The following UGT2B17 variants were observed in gnomAD, a reference collection of about 807,000 sequenced individuals.
The protein encoded by UGT2B17 is UDP glucuronosyltransferase family 2 member B17.
A neutral mutation model predicts 48.2 loss-of-function variants in UGT2B17; 21 were observed. The ratio of observed to expected loss-of-function variants is 0.44; its 90% CI spans 0.31 to 0.63. The LOEUF is 0.63. Ranked by LOEUF, UGT2B17 falls within the 20% of genes least tolerant of loss-of-function variation. UGT2B17 has a pLI of 0.08. For synonymous variants in UGT2B17, 146 were observed against 238.4 expected (o/e 0.61, Z 3.57); for missense variants, 402 against 696.1 (o/e 0.58, Z 4.75).
rs1164486642 is a variant in UGT2B17 at position 68,544,087 on chromosome 4, T to C, written c.1314-6183A>G. On this transcript the variant is annotated intron_variant, in intron 6 of 6. Transcript: ENST00000317746. The stretch of plus-strand genomic sequence containing the variant: ...AATTCAAGACATACAGAGAATGCCA[T>C]AAAGATACTCCTCAAGAAGAGCAAC... 1.6e-5 allele frequency among the ~76,000 whole-genome samples: 2 copies of C among 125,122 alleles called. 1 individual carries two copies. The highest frequency in any genetic ancestry group is 5.5e-5 in the African/African-American group (2 of 36,606). 82.1% of individuals were successfully genotyped at this position (125,122 alleles called of 152,430 possible). A position where few individuals can be genotyped will look rare whatever the true frequency, so the allele number is the denominator to read the frequency against.
chr4:68,565,444 C>A (rs1731180028), intron 3 of UGT2B17, 128 bp downstream of exon 3: 1 of 871,638 alleles, frequency 1.1e-6, no homozygotes, highest in African/African-American at 1.8e-5. Context: ...ATATGATTTT[C>A]TAATGGCAAG....
intron 6 of UGT2B17, among the ~76,000 whole-genome samples, chr4:68,546,260 G>C (rs1375493522): frequency 7.9e-6 from 1 of 126,126 alleles, no homozygotes; most frequent in African/African-American, 2.7e-5. Context: ...GGGATGCAAG[G>C]CTAGTTCAAC....
At position 68,540,446 on chromosome 4, in the gene UGT2B17, C is replaced by T. The variant is rs541824577; in HGVS notation, c.1314-2542G>A. Among the ~76,000 whole-genome samples, 29 of 125,920 alleles carry T rather than the reference C, an allele frequency of 2.3e-4. 6 individuals are homozygous for T. Among genetic ancestry groups the T allele is most frequent in the Admixed American group, 2.0e-3 (25 of 12,326 alleles). 82.6% of individuals were successfully genotyped at this position (125,920 alleles called of 152,430 possible). ...TCAAGTGATTCTCCTGCCTCAAACT[C>T]CTGAGGAGCTGGGACTACAGGTGCA... On this transcript the variant is annotated intron_variant, in intron 6 of 6. Transcript: ENST00000317746.
chr4:68,567,712 G>T, intron 2 of UGT2B17, 49 bp downstream of exon 2: 6 of 1,206,424 alleles, frequency 5.0e-6, no homozygotes, highest in Non-Finnish European at 5.3e-6. Context: ...ACCTTCAAAG[G>T]CACAGGAAAA....
intron 4 of UGT2B17, among the ~76,000 whole-genome samples, chr4:68,553,825 A>G (rs1477402746): frequency 8.4e-6 from 1 of 118,472 alleles, no homozygotes; most frequent in Non-Finnish European, 1.8e-5. Flanking sequence ...GTCTGTGTGG[A>G]TTTGTGTGAG....
intron 4 of UGT2B17, among the ~76,000 whole-genome samples, chr4:68,560,081 C>T (rs558299386): frequency 1.3e-4 from 17 of 129,760 alleles, no homozygotes; most frequent in South Asian, 1.1e-3. Context: ...CTTGGTAAGA[C>T]GAAGCTGCAT....
rs1431806643 is a variant in UGT2B17 at position 68,558,801 on chromosome 4, G to A, written c.1005+1736C>T. Among the ~76,000 whole-genome samples the A allele has an allele frequency of 2.4e-5, 3 of 125,090 alleles. 1 individual carries two copies. The highest frequency in any genetic ancestry group is 3.4e-5 in the Non-Finnish European group (2 of 59,158). 82.1% of individuals were successfully genotyped at this position (125,090 alleles called of 152,430 possible). A position where few individuals can be genotyped will look rare whatever the true frequency, so the allele number is the denominator to read the frequency against. On this transcript the variant is annotated intron_variant, in intron 4 of 6. Transcript: ENST00000317746. ...AACCTGGGGGCCCCAAAGTCACTAA[G>A]CAAATCACTGCCTCCCATTCTATTC...
intron 1 of UGT2B17, among the ~76,000 whole-genome samples, chr4:68,568,982 A>C (rs1479786116): frequency 7.2e-6 from 1 of 138,306 alleles, no homozygotes; most frequent in East Asian, 3.5e-4. Context: ...AATAGCCTCT[A>C]ACCCCCCACT....
At chr4:68,546,978 T>A (rs1192065599) in intron 6 of UGT2B17, among the ~76,000 whole-genome samples, 3 of 125,184 alleles carry the variant, frequency 2.4e-5, no homozygotes, top group African/African-American at 8.2e-5. Context: ...GAAGAATCAA[T>A]ATCGTGAAAA....
At chr4:68,548,146 T>C (rs1730853169) in intron 6 of UGT2B17, among the ~76,000 whole-genome samples, 1 of 126,754 alleles carries the variant, frequency 7.9e-6, no homozygotes, top group African/African-American at 2.7e-5. Flanking sequence ...GGAGGCACTA[T>C]TCACAATAGC....
At chr4:68,545,063 A>G (rs1264841015) in intron 6 of UGT2B17, among the ~76,000 whole-genome samples, 2 of 126,078 alleles carry the variant, frequency 1.6e-5, no homozygotes, top group Admixed American at 8.1e-5. Context: ...TCAGCTCTGC[A>G]CGAAGAGGAC....
At chr4:68,561,904 G>C (rs1731110392) in intron 3 of UGT2B17, among the ~76,000 whole-genome samples, 1 of 121,582 alleles carries the variant, frequency 8.2e-6, no homozygotes, top group African/African-American at 2.8e-5. Flanking sequence ...TGTCCCTTTT[G>C]TTCTAAATTC....
At position 68,567,715 on chromosome 4, in the gene UGT2B17, C is replaced by G; in HGVS notation, c.724+46G>C. 7 of 1,224,852 alleles carry G rather than the reference C, an allele frequency of 5.7e-6. 1 individual carries two copies. The highest frequency in any genetic ancestry group is 4.2e-6 in the Non-Finnish European group (4 of 961,072). 75.9% of individuals were successfully genotyped at this position (1,224,852 alleles called of 1,614,324 possible). ...TTATATAAGCCCACCTTCAAAGGCA[C>G]AGGAAAATTAGAACTTAATAAACAC... On this transcript the variant is annotated intron_variant, in intron 2 of 6. Transcript: ENST00000317746.
rs777980350 is a variant in UGT2B17 at position 68,537,897 on chromosome 4, C to G, written c.1321G>C (p.Glu441Gln). The change falls in exon 7 of 7, where the codon GAG (glutamate) becomes CAG (glutamine). Residue 441 changes from glutamate to glutamine, a missense_variant. Glu to Gln is a conservative substitution (Grantham distance 29). This residue lies in a region of UGT2B17 where 156 missense variants were observed against 258.6 expected (regional missense o/e 0.60). Transcript: ENST00000317746. ...KSVINDPIYK[E>Q]NIMKLSRIHH... ...ATTCTTGATAATTTCATGATATTCT[C>G]TTTATAGCTGAAGGATAAATATAAA... 7.4e-7 allele frequency: 1 copy of G among 1,352,368 alleles called. No individual in the cohort carries two copies. The highest frequency in any genetic ancestry group is 9.6e-7 in the Non-Finnish European group (1 of 1,038,792). The allele number at this position is 1,352,368 out of a possible 1,614,324, so 83.8% of individuals were successfully genotyped here.
At position 68,537,334 on chromosome 4, in the gene UGT2B17, G is replaced by A. The variant is rs1448831216; in HGVS notation, c.*291C>T. On this transcript the variant is annotated 3_prime_UTR_variant, in exon 7 of 7. Transcript: ENST00000317746. The stretch of plus-strand genomic sequence containing the variant: ...TCAAATACAATGTGTGAAACATAAG[G>A]AAGCTCAGTAACTTTTGTGTGGGGT... 2 of 179,058 alleles carry A rather than the reference G, an allele frequency of 1.1e-5. 1 individual carries two copies. The highest frequency in any genetic ancestry group is 5.0e-5 in the African/African-American group (2 of 39,758). The allele number at this position is 179,058 out of a possible 1,614,324, so 11.1% of individuals were successfully genotyped here.
chr4:68,569,893 C>T (rs1394849228), intron 1 of UGT2B17, among the ~76,000 whole-genome samples: 3 of 126,614 alleles, frequency 2.4e-5, no homozygotes, highest in Non-Finnish European at 3.4e-5. Flanking sequence ...CGCACTGCCT[C>T]GTGTTGTCTG....
chr4:68,564,294 A>ATATATAT lies in UGT2B17; in HGVS notation c.873+1277_873+1278insATATATA, dbSNP rs1366181355. Among the ~76,000 whole-genome samples, 73 of 75,760 alleles carry ATATATAT rather than the reference A, an allele frequency of 9.6e-4. 7 individuals carry two copies. The highest frequency in any genetic ancestry group is 1.3e-3 in the African/African-American group (26 of 19,708). The allele number at this position is 75,760 out of a possible 152,430, so 49.7% of individuals were successfully genotyped here. A position where few individuals can be genotyped will look rare whatever the true frequency, so the allele number is the denominator to read the frequency against. ...ATTTCATATATATATATATATATAT[A>ATATATAT]TTTTTTTTTTTTGAGACAGAGTCTC... On this transcript the variant is annotated intron_variant, in intron 3 of 6. Coordinates refer to ENST00000317746, the MANE Select transcript of UGT2B17 (RefSeq NM_001077.4).
At chr4:68,565,773 T>C in intron 2 of UGT2B17, 53 bp from the exon 3 acceptor site, 1 of 1,301,990 alleles carries the variant, frequency 7.7e-7, no homozygotes, top group Non-Finnish European at 9.9e-7. Context: ...AGAATTGTTA[T>C]TTTAATATTG....
chr4:68,538,067 T>C lies in UGT2B17; in HGVS notation c.1314-163A>G, dbSNP rs1730587800. 3.2e-5 allele frequency among the ~76,000 whole-genome samples: 4 copies of C among 126,144 alleles called. 1 individual carries two copies. Among genetic ancestry groups the C allele is most frequent in the African/African-American group, 1.1e-4 (4 of 36,974 alleles). 82.8% of individuals were successfully genotyped at this position (126,144 alleles called of 152,430 possible). ...TTTTAATGTATGTCATTACAGAAAGTTTGGTTTTTAAATTGGAGTTTTATC... is the reference window on the plus strand; with the variant it reads ...TTTTAATGTATGTCATTACAGAAAGCTTGGTTTTTAAATTGGAGTTTTATC... On this transcript the variant is annotated intron_variant, in intron 6 of 6. Coordinates refer to ENST00000317746, the MANE Select transcript of UGT2B17 (RefSeq NM_001077.4).
Sources: allele counts gnomAD v4.1 joint callset (sites outside exome capture counted in the v4.1 genomes callset), GRCh38; gene constraint gnomAD v4.1.1; regional missense constraint gnomAD v4.1.1; transcripts MANE v1.5; gene names NCBI Gene and HGNC (gene_info 2026-07-23, HGNC 2026-07-21).